PHACTR1: variants seen among roughly 807,000 people sequenced by gnomAD.
PHACTR1 encodes phosphatase and actin regulator 1.
Under a neutral mutation model 69.2 loss-of-function variants are expected in PHACTR1, and 16 were observed. The ratio of observed to expected loss-of-function variants is 0.23; its 90% confidence interval spans 0.16 to 0.35. The LOEUF is 0.35. Among genes scored for constraint, PHACTR1 ranks in the 10% least tolerant of loss-of-function variants. The pLI is 1.00. For missense variants in PHACTR1, 510 were observed against 734.7 expected, an observed-to-expected ratio of 0.69 and a Z score of 3.54; for synonymous variants, 312 against 284.5, an observed-to-expected ratio of 1.10 and a Z score of -0.97.
intron 4 of PHACTR1, among the ~76,000 whole-genome samples, chr6:12,943,875 A>G (rs1790310921): frequency 6.6e-6 from 1 of 152,238 alleles, no homozygotes; most frequent in South Asian, 2.1e-4. Flanking sequence ...TTAAGAATTT[A>G]TGATATTCTA....
intron 4 of PHACTR1, among the ~76,000 whole-genome samples, chr6:13,002,601 C>T (rs1204440303): frequency 6.6e-6 from 1 of 152,140 alleles, no homozygotes; most frequent in Non-Finnish European, 1.5e-5. Flanking sequence ...ATTGGTTGAT[C>T]ATGTGCAACT....
intron 10 of PHACTR1, among the ~76,000 whole-genome samples, chr6:13,256,854 C>T (rs1305159496): frequency 3.9e-5 from 6 of 152,014 alleles, no homozygotes; most frequent in Non-Finnish European, 8.8e-5. Context: ...CCAAATGTTC[C>T]GTCATCTTCC....
In PHACTR1 at chr6:12,733,018, A is replaced by G. The variant is rs148723770; in HGVS notation, c.103+14171A>G. ...ACAACAGAATGCAAATAAAATATCT[A>G]TGTAATCTATATTGGGTGGTTCTTC... On this transcript the variant is annotated intron_variant, in intron 3 of 14. Coordinates refer to ENST00000332995, the MANE Select transcript of PHACTR1 (RefSeq NM_030948.6). Among the ~76,000 whole-genome samples, 22 of 152,306 alleles carry G rather than the reference A, an allele frequency of 1.4e-4. 1 individual carries two copies. The East Asian group carries it at 3.3e-3, about 23-fold the overall frequency.
intron 3 of PHACTR1, among the ~76,000 whole-genome samples, chr6:12,723,354 C>T (rs1388239966): frequency 6.6e-6 from 1 of 152,140 alleles, no homozygotes; most frequent in African/African-American, 2.4e-5. Context: ...CATCTCAGGC[C>T]CCACCCTAGA....
chr6:13,036,720 T>G (rs1244888846), intron 4 of PHACTR1, among the ~76,000 whole-genome samples: 12 of 152,244 alleles, frequency 7.9e-5, no homozygotes. Context: ...TTCTTACCTG[T>G]GGTTTGGAGG....
At chr6:12,767,135 G>A (rs1173107420) in intron 4 of PHACTR1, among the ~76,000 whole-genome samples, 15 of 152,106 alleles carry the variant, frequency 9.9e-5, no homozygotes, top group Admixed American at 7.9e-4. Flanking sequence ...AACATATTAC[G>A]CAGCATTTCC....
chr6:13,118,336 A>G (rs891288201), intron 5 of PHACTR1, among the ~76,000 whole-genome samples: 4 of 152,296 alleles, frequency 2.6e-5, no homozygotes, highest in Non-Finnish European at 5.9e-5. Flanking sequence ...CCAGAACTGT[A>G]CTGACCTCAG....
At chr6:12,747,766 G>A (rs958891116) in intron 3 of PHACTR1, among the ~76,000 whole-genome samples, 1 of 152,122 alleles carries the variant, frequency 6.6e-6, no homozygotes, top group Non-Finnish European at 1.5e-5. Context: ...GAAATTTGTG[G>A]TGCGTCACTT....
chr6:12,912,153 A>G (rs1786486081), intron 4 of PHACTR1, among the ~76,000 whole-genome samples: 2 of 152,052 alleles, frequency 1.3e-5, no homozygotes, highest in South Asian at 4.1e-4. Flanking sequence ...ATGCACCACC[A>G]TGCCTGGCTA....
intron 5 of PHACTR1, among the ~76,000 whole-genome samples, chr6:13,060,748 C>T (rs1435160477): frequency 2.0e-5 from 3 of 151,422 alleles, no homozygotes; most frequent in African/African-American, 7.3e-5. Context: ...GAAGTCCATT[C>T]CAGATTGATG....
At chr6:12,738,337 A>G (rs1764569891) in intron 3 of PHACTR1, among the ~76,000 whole-genome samples, 1 of 152,306 alleles carries the variant, frequency 6.6e-6, no homozygotes, top group South Asian at 2.1e-4. Flanking sequence ...GGTGATGATA[A>G]TTTTAATTGC....
chr6:12,836,858 C>T (rs1778222063), intron 4 of PHACTR1, among the ~76,000 whole-genome samples: 1 of 152,172 alleles, frequency 6.6e-6, no homozygotes, highest in African/African-American at 2.4e-5. Context: ...CTACTGACAT[C>T]AGCTGGTTTA....
At chr6:13,027,123 T>G (rs896153509) in intron 4 of PHACTR1, among the ~76,000 whole-genome samples, 3 of 152,022 alleles carry the variant, frequency 2.0e-5, no homozygotes, top group Non-Finnish European at 4.4e-5. Flanking sequence ...GATTAGGGAC[T>G]GGTTGGGAAG....
At chr6:12,847,125 CT>C (rs999193172) in intron 4 of PHACTR1, among the ~76,000 whole-genome samples, 2 of 152,116 alleles carry the variant, frequency 1.3e-5, no homozygotes, top group Non-Finnish European at 2.9e-5. Flanking sequence ...CAGCAACTTG[CT>C]TTTTTTCTTT....
intron 4 of PHACTR1, among the ~76,000 whole-genome samples, chr6:12,999,251 T>C (rs2127619756): frequency 6.6e-6 from 1 of 152,314 alleles, no homozygotes; most frequent in Non-Finnish European, 1.5e-5. Context: ...GGAATACTAA[T>C]GCAACAGGAA....
chr6:12,774,230 T>C (rs530721958), intron 4 of PHACTR1, among the ~76,000 whole-genome samples: 139 of 152,328 alleles, frequency 9.1e-4, no homozygotes, highest in African/African-American at 3.2e-3. Flanking sequence ...ATGATTAATG[T>C]TTGCTTAACA....
At chr6:12,886,763 C>T (rs542879391) in intron 4 of PHACTR1, among the ~76,000 whole-genome samples, 5 of 151,976 alleles carry the variant, frequency 3.3e-5, no homozygotes, top group African/African-American at 9.7e-5. Flanking sequence ...AGTGCTCTTT[C>T]GTTTTTTGTG....
At chr6:12,959,084 T>C (rs1582700432) in intron 4 of PHACTR1, among the ~76,000 whole-genome samples, 1 of 144,320 alleles carries the variant, frequency 6.9e-6, no homozygotes. Context: ...GCCTGTGGCA[T>C]GAGAATAGCT....
intron 5 of PHACTR1, among the ~76,000 whole-genome samples, chr6:13,122,253 A>G (rs759160963): frequency 6.6e-6 from 1 of 152,228 alleles, no homozygotes; most frequent in Non-Finnish European, 1.5e-5. Flanking sequence ...ACATCTAGGT[A>G]TCTTGTATTT....
Sources: allele counts gnomAD v4.1 joint callset (sites outside exome capture counted in the v4.1 genomes callset), GRCh38; gene constraint gnomAD v4.1.1; transcripts MANE v1.5; gene names NCBI Gene and HGNC (gene_info 2026-07-23, HGNC 2026-07-21).